Variants in ZNF835 observed in about 807,000 individuals in gnomAD.
The protein encoded by ZNF835 is zinc finger protein 835.
For missense variants in ZNF835, 783 were observed against 758.4 expected (o/e 1.03, Z -0.38); for synonymous variants, 323 against 324.7 (o/e 0.99, Z 0.06).
chr19:56,668,893 C>T (rs1335702674), intron 1 of ZNF835, among the ~76,000 whole-genome samples: 1 of 151,978 alleles, frequency 6.6e-6, no homozygotes, highest in Admixed American at 6.6e-5. Context: ...CAGGGGTACC[C>T]ACCTCGTGTG....
In ZNF835 at chr19:56,664,363, C is replaced by A; in HGVS notation, c.836G>T (p.Arg279Leu). 1 of 1,603,764 alleles carries A rather than the reference C, an allele frequency of 6.2e-7. No homozygotes were observed. The highest frequency in any genetic ancestry group is 8.5e-7 in the Non-Finnish European group (1 of 1,176,128). The change falls in exon 2 of 2, where the codon CGC becomes CTC. Residue 279 changes from arginine (R) to leucine (L), a missense_variant. Physicochemically the swap from Arg to Leu is moderately radical, Grantham distance 102 (BLOSUM62 -2). Transcript: ENST00000537055. Reference protein sequence around the residue: ...QRIHTEEKPYRCGQCAKAFAQ... With the variant: ...QRIHTEEKPYLCGQCAKAFAQ... ...GAAGGCCTTGGCGCACTGGCCGCAG[C>A]GGTAGGGCTTCTCCTCCGTGTGGAT...
chr19:56,669,379 T>G lies in ZNF835; in HGVS notation c.-48+2197A>C, dbSNP rs560358565. Among the ~76,000 whole-genome samples, 7 of 152,234 alleles carry G rather than the reference T, an allele frequency of 4.6e-5. No homozygotes were observed. In the South Asian group the frequency reaches 1.5e-3, roughly 32 times the overall value. ...ACGGGCGTGACTGACATAGGTGTGA[T>G]GACACTGGCCATCGGTGATGAACTC... On this transcript the variant is annotated intron_variant, in intron 1 of 1. Transcript: ENST00000537055.
Position 56,664,424 on chromosome 19 carries a change from A to G in ZNF835, c.775T>C (p.Phe259Leu). ...PYECSACAKA[F>L]RFSSALIRHQ... ...CGGATGAGCGCTGAGGAGAAGCGGA[A>G]GGCCTTGGCGCACGCGGAGCACTCG... The change falls in exon 2 of 2, where the codon TTC (phenylalanine) becomes CTC (leucine). Residue 259 changes from phenylalanine to leucine, a missense_variant. Transcript: ENST00000537055. 6.2e-7 allele frequency: 1 copy of G among 1,612,648 alleles called. No individual in the cohort carries two copies. The highest frequency in any genetic ancestry group is 8.5e-7 in the Non-Finnish European group (1 of 1,179,378).
At position 56,665,210 on chromosome 19, in the gene ZNF835, G is replaced by C; in HGVS notation, c.-12C>G. 1 of 1,613,642 alleles carries C rather than the reference G, an allele frequency of 6.2e-7. No homozygotes were observed. The highest frequency in any genetic ancestry group is 2.2e-5 in the East Asian group (1 of 44,854). Reference sequence around the variant, plus strand: ...AAGAGTCCCTCCATCCTCGATCCCTGGGCTGCTGTCTTGATCTCACATCTT... The same window carrying C: ...AAGAGTCCCTCCATCCTCGATCCCTCGGCTGCTGTCTTGATCTCACATCTT... On this transcript the variant is annotated 5_prime_UTR_variant, in exon 2 of 2. Coordinates refer to ENST00000537055, the MANE Select transcript of ZNF835 (RefSeq NM_001005850.3).
At position 56,664,468 on chromosome 19, in the gene ZNF835, T is replaced by C. The variant is rs1209840152; in HGVS notation, c.731A>G (p.His244Arg). ...GCACTCGTAGGGCTTCTCACCGGTG[T>C]GGATGCGCTGGTGCTCTATCAGGGA... ...RSSLIEHQRI[H>R]TGEKPYECSA... Residue 244 changes from histidine (H) to arginine (R), a missense_variant, in exon 2 of 2, where the codon CAC (histidine) becomes CGC (arginine). Physicochemically the swap from His to Arg is conservative, Grantham distance 29 (BLOSUM62 0). Coordinates refer to ENST00000537055, the MANE Select transcript of ZNF835 (RefSeq NM_001005850.3). The C allele has an allele frequency of 6.2e-7, 1 of 1,612,356 alleles. No homozygotes were observed.
chr19:56,663,794 T>C lies in ZNF835; in HGVS notation c.1405A>G (p.Thr469Ala). ...SYLIQHHIVHTGEKPYECSGC... is the reference protein window; with the variant it reads ...SYLIQHHIVHAGEKPYECSGC... ...CTGCACTCGTAGGGCTTCTCCCCGGTGTGCACGATGTGGTGCTGGATCAGG... is the reference window on the plus strand; with the variant it reads ...CTGCACTCGTAGGGCTTCTCCCCGGCGTGCACGATGTGGTGCTGGATCAGG... The change falls in exon 2 of 2, where the codon ACC (threonine) becomes GCC (alanine). Residue 469 changes from threonine (T) to alanine (A), a missense_variant. Thr to Ala is a moderately conservative substitution (Grantham distance 58). Coordinates refer to ENST00000537055, the MANE Select transcript of ZNF835 (RefSeq NM_001005850.3). The C allele has an allele frequency of 6.2e-7, 1 of 1,614,074 alleles. No homozygotes were observed.
chr19:56,664,173 G>T lies in ZNF835; in HGVS notation c.1026C>A (p.Ala342=). Residue 342 remains alanine (A), a synonymous_variant, in exon 2 of 2, where the codon GCC becomes GCA. Coordinates refer to ENST00000537055, the MANE Select transcript of ZNF835 (RefSeq NM_001005850.3). ...GCGTCAGGTGCGACACCTGGGTGAA[G>T]GCCTTGGCGCACTGGCCGCACGCGT... ...KPYACGQCAK[A]FTQVSHLTQH... is the part of the protein sequence containing the mutation. 1 of 1,610,810 alleles carries T rather than the reference G, an allele frequency of 6.2e-7. No individual in the cohort carries two copies. The highest frequency in any genetic ancestry group is 8.5e-7 in the Non-Finnish European group (1 of 1,178,966).
chr19:56,665,370 T>G, intron 1 of ZNF835, 125 bp from the exon 2 acceptor site: 1 of 913,566 alleles, frequency 1.1e-6, no homozygotes, highest in South Asian at 1.3e-5. Flanking sequence ...CAATGACATT[T>G]TGGGTCCAAT....
chr19:56,666,119 T>TG (rs57926528), intron 1 of ZNF835, among the ~76,000 whole-genome samples: 329 of 143,884 alleles, frequency 2.3e-3, no homozygotes, highest in African/African-American at 9.3e-3. Flanking sequence ...ATGGGACTGT[T>TG]TTATTTTTTT....
chr19:56,663,774 C>T lies in ZNF835; in HGVS notation c.1425G>A (p.Glu475=). 1 of 1,613,976 alleles carries T rather than the reference C, an allele frequency of 6.2e-7. No individual in the cohort carries two copies. Among genetic ancestry groups the T allele is most frequent in the Non-Finnish European group, 8.5e-7 (1 of 1,179,916 alleles). The change falls in exon 2 of 2, where the codon GAG becomes GAA. Residue 475 remains glutamate (E), a synonymous_variant. Transcript: ENST00000537055. ...HIVHTGEKPY[E]CSGCGKAFSF... is the part of the protein sequence containing the mutation. ...TGAAGGCCTTCCCGCAGCCGCTGCA[C>T]TCGTAGGGCTTCTCCCCGGTGTGCA...
In ZNF835 at chr19:56,663,431, G is replaced by A. The variant is rs755241651; in HGVS notation, c.*154C>T. On this transcript the variant is annotated 3_prime_UTR_variant, in exon 2 of 2. Coordinates refer to ENST00000537055, the MANE Select transcript of ZNF835 (RefSeq NM_001005850.3). ...AAGACCGCAGGGGAGTCTGGCAGAT[G>A]TGAGGTACAGTCTTAGCCCTGTGTC... 59 of 1,054,612 alleles carry A rather than the reference G, an allele frequency of 5.6e-5. No homozygotes were observed. Among genetic ancestry groups the A allele is most frequent in the Non-Finnish European group, 7.6e-5 (56 of 738,284 alleles). 65.3% of individuals were successfully genotyped at this position (1,054,612 alleles called of 1,614,324 possible).
In ZNF835 at chr19:56,664,350, G is replaced by T. The variant is rs1200120422; in HGVS notation, c.849C>A (p.Cys283Ter). The T allele has an allele frequency of 6.2e-7, 1 of 1,607,918 alleles. No homozygotes were observed. Among genetic ancestry groups the T allele is most frequent in the Middle Eastern group, 1.7e-4 (1 of 6,052 alleles). The change falls in exon 2 of 2, where the codon TGC becomes TGA. Residue 283 changes from cysteine (C) to a stop codon, truncating the protein, a stop_gained. Transcript: ENST00000537055. LOFTEE classifies it low-confidence loss of function (END_TRUNC). ...GCGCGATCTGCGCGAAGGCCTTGGC[G>T]CACTGGCCGCAGCGGTAGGGCTTCT... is the stretch of plus-strand genomic sequence containing the variant. Reference protein sequence around the residue: ...TEEKPYRCGQCAKAFAQIAHL... With the variant: ...TEEKPYRCGQ
rs569424424 is a variant in ZNF835, at chr19:56,669,620, G to C, written c.-48+1956C>G. On this transcript the variant is annotated intron_variant, in intron 1 of 1. Transcript: ENST00000537055. ...CTCCATTAGCATAAATGTACTTGGG[G>C]GCCTACCAGGAGTCCTCCATTAGCA... Among the ~76,000 whole-genome samples the C allele has an allele frequency of 2.1e-3, 151 of 71,678 alleles. 2 individuals are homozygous for C. Among genetic ancestry groups the C allele is most frequent in the Non-Finnish European group, 2.9e-3 (113 of 39,046 alleles). 47.0% of individuals were successfully genotyped at this position (71,678 alleles called of 152,430 possible).
chr19:56,663,292 C>T lies in ZNF835; in HGVS notation c.*293G>A, dbSNP rs2045201997. On this transcript the variant is annotated 3_prime_UTR_variant, in exon 2 of 2. Coordinates refer to ENST00000537055, the MANE Select transcript of ZNF835 (RefSeq NM_001005850.3). The stretch of plus-strand genomic sequence containing the variant: ...CGAGATCGCTCCACTGCACTCTAGC[C>T]TGGGTGACAGAGAGAGACACTGTCT... The T allele has an allele frequency of 4.3e-6, 2 of 460,778 alleles. No homozygotes were observed. The highest frequency in any genetic ancestry group is 3.9e-5 in the African/African-American group (2 of 50,678). The allele number at this position is 460,778 out of a possible 1,614,324, so 28.5% of individuals were successfully genotyped here. A position where few individuals can be genotyped will look rare whatever the true frequency, so the allele number is the denominator to read the frequency against.
chr19:56,664,454 G>A lies in ZNF835; in HGVS notation c.745C>T (p.Pro249Ser), dbSNP rs2045222675. The A allele has an allele frequency of 6.2e-7, 1 of 1,612,722 alleles. No homozygotes were observed. Among genetic ancestry groups the A allele is most frequent in the South Asian group, 1.1e-5 (1 of 91,060 alleles). The change falls in exon 2 of 2, where the codon CCC becomes TCC. Residue 249 changes from proline to serine, a missense_variant. Physicochemically the swap from Pro to Ser is moderately conservative, Grantham distance 74. Coordinates refer to ENST00000537055, the MANE Select transcript of ZNF835 (RefSeq NM_001005850.3). ...EHQRIHTGEK[P>S]YECSACAKAF... is the part of the protein sequence containing the mutation. ...TTGGCGCACGCGGAGCACTCGTAGG[G>A]CTTCTCACCGGTGTGGATGCGCTGG...
intron 1 of ZNF835, among the ~76,000 whole-genome samples, chr19:56,670,978 G>A (rs948604465): frequency 1.3e-5 from 2 of 152,246 alleles, no homozygotes; most frequent in Admixed American, 6.5e-5. Context: ...ATAACACACC[G>A]ATAAAGTGTT....
chr19:56,670,539 C>A (rs2045279954), intron 1 of ZNF835, among the ~76,000 whole-genome samples: 1 of 152,164 alleles, frequency 6.6e-6, no homozygotes, highest in African/African-American at 2.4e-5. Flanking sequence ...GCTACACACA[C>A]ACCCAGCCCC....
intron 1 of ZNF835, among the ~76,000 whole-genome samples, chr19:56,669,509 G>C (rs991861223): frequency 3.8e-5 from 4 of 106,132 alleles, no homozygotes; most frequent in African/African-American, 1.7e-4. Context: ...GGGCCTATCA[G>C]GAGTCCTCCA....
chr19:56,663,784 T>TTC lies in ZNF835; in HGVS notation c.1413_1414dup (p.Lys472ArgfsTer70). 6.2e-7 allele frequency: 1 copy of TTC among 1,613,920 alleles called. No homozygotes were observed. Among genetic ancestry groups the TTC allele is most frequent in the Non-Finnish European group, 8.5e-7 (1 of 1,179,892 alleles). ...CCCGCAGCCGCTGCACTCGTAGGGCTTCTCCCCGGTGTGCACGATGTGGTG... is the reference window on the plus strand; with the variant it reads ...CCCGCAGCCGCTGCACTCGTAGGGCTTCTCTCCCCGGTGTGCACGATGTGGTG... On this transcript the variant is annotated frameshift_variant, in exon 2 of 2. Transcript: ENST00000537055. LOFTEE classifies it low-confidence loss of function (END_TRUNC).
Sources: gnomAD v4.1 joint callset for allele counts (sites outside exome capture counted in the v4.1 genomes callset) on GRCh38, gnomAD v4.1.1 for gene constraint, MANE v1.5 for transcripts, NCBI Gene and HGNC (gene_info 2026-07-23, HGNC 2026-07-21) for gene names.